The following MOB4 variants were observed in gnomAD, a reference collection of about 807,000 sequenced individuals.
MOB4 encodes the protein MOB-like protein phocein.
MOB4 carries 4 observed loss-of-function variants against 32.2 expected under a neutral mutation model. The ratio of observed to expected loss-of-function variants is 0.12; its 90% confidence interval spans 0.06 to 0.28. The LOEUF is 0.28. MOB4 is among the 10% of genes least tolerant of loss of function. The pLI, the probability that MOB4 is intolerant of heterozygous loss-of-function variation, is 1.00. For synonymous variants in MOB4, 88 were observed against 88.1 expected, an observed-to-expected ratio of 1.00 and a Z score of 0.01; for missense variants, 158 against 271.2, an observed-to-expected ratio of 0.58 and a Z score of 2.93.
chr2:197,546,345 G>A (rs2086992868), intron 5 of MOB4, among the ~76,000 whole-genome samples: 1 of 152,148 alleles, frequency 6.6e-6, no homozygotes, highest in South Asian at 2.1e-4. Flanking sequence ...ATAGGCGTGA[G>A]CCACTGCGCC....
At chr2:197,542,393 G>C (rs1452936324) in intron 5 of MOB4, among the ~76,000 whole-genome samples, 1 of 152,160 alleles carries the variant, frequency 6.6e-6, no homozygotes, top group Non-Finnish European at 1.5e-5. Context: ...AGAACAATTT[G>C]AAAGGACACT....
intron 1 of MOB4, chr2:197,516,747 C>T (rs1275396657): frequency 2.1e-6 from 1 of 471,532 alleles, no homozygotes; most frequent in Non-Finnish European, 4.4e-6. Context: ...TAAGTTGTGA[C>T]TTGTTAGATG....
intron 1 of MOB4, chr2:197,516,546 G>C: frequency 1.9e-6 from 1 of 539,732 alleles, no homozygotes; most frequent in Non-Finnish European, 3.5e-6. Flanking sequence ...GAGGTGGGAG[G>C]GGGTGTAAAC....
chr2:197,522,439 TC>T lies in MOB4; in HGVS notation c.61-1183del, dbSNP rs1363095369. 1.2e-4 allele frequency among the ~76,000 whole-genome samples: 18 copies of T among 147,682 alleles called. No individual in the cohort carries two copies. In the Admixed American group the frequency reaches 1.2e-3, roughly 10 times the overall value. ...TCCGCCTCCTGGGTTCAAGCAATTC[TC>T]CTGCCTCAGCCTCCTGAGTAGCTGG... On this transcript the variant is annotated intron_variant, in intron 1 of 7. Transcript: ENST00000323303.
At chr2:197,531,884 A>G (rs764226456) in intron 2 of MOB4, among the ~76,000 whole-genome samples, 1 of 151,916 alleles carries the variant, frequency 6.6e-6, no homozygotes, top group Non-Finnish European at 1.5e-5. Context: ...CTTTTATTGC[A>G]TAAAAGTGTG....
intron 2 of MOB4, among the ~76,000 whole-genome samples, chr2:197,530,519 C>T (rs540232438): frequency 6.6e-6 from 1 of 152,194 alleles, no homozygotes; most frequent in East Asian, 1.9e-4. Flanking sequence ...CCTGCCTCAG[C>T]CTGCTAAGTT....
chr2:197,538,130 T>TAG (rs2086834465), intron 3 of MOB4, among the ~76,000 whole-genome samples: 1 of 150,738 alleles, frequency 6.6e-6, no homozygotes, highest in Non-Finnish European at 1.5e-5. Context: ...ATTTTAGTGT[T>TAG]ACAAGGGTTT....
chr2:197,532,047 T>C (rs1200207250), intron 2 of MOB4, among the ~76,000 whole-genome samples: 2 of 151,950 alleles, frequency 1.3e-5, no homozygotes. Flanking sequence ...TAGCTGAGAT[T>C]ACAGGCGTGT....
rs368401341 is a variant in MOB4 at position 197,523,729 on chromosome 2, C to T, written c.123+43C>T. ...TTTTCACCCTGTGTCTTTTGGAGTA[C>T]GATGTGTAAGTGCCCATTGGGTGGC... On this transcript the variant is annotated intron_variant, in intron 2 of 7. Transcript: ENST00000323303. 205 of 1,569,248 alleles carry T rather than the reference C, an allele frequency of 1.3e-4. 1 individual carries two copies. The highest frequency in any genetic ancestry group is 4.4e-4 in the Middle Eastern group (2 of 4,528).
chr2:197,547,083 CTTTTTTTTAAAGAAAA>C (rs1047071813), intron 5 of MOB4, among the ~76,000 whole-genome samples: 7 of 146,548 alleles, frequency 4.8e-5, no homozygotes, highest in Non-Finnish European at 1.0e-4. Flanking sequence ...TTCTTTCTTT[CTTTTTTTTAAAGAAAA>C]TCGTAAGGAA....
At chr2:197,549,293 A>G (rs543148147) in intron 6 of MOB4, among the ~76,000 whole-genome samples, 2 of 152,144 alleles carry the variant, frequency 1.3e-5, no homozygotes, top group African/African-American at 4.8e-5. Flanking sequence ...ATTGATTTTT[A>G]AGATCTGAGA....
chr2:197,530,419 C>T (rs1467429418), intron 2 of MOB4, among the ~76,000 whole-genome samples: 4 of 151,970 alleles, frequency 2.6e-5, no homozygotes, highest in Non-Finnish European at 5.9e-5. Flanking sequence ...AGGAGCACAC[C>T]ACCCCTGGCT....
At chr2:197,518,381 T>C (rs2086453432) in intron 1 of MOB4, among the ~76,000 whole-genome samples, 1 of 152,010 alleles carries the variant, frequency 6.6e-6, no homozygotes, top group Admixed American at 6.6e-5. Flanking sequence ...GCGATTCTTC[T>C]GCCTCAGCCT....
chr2:197,530,634 T>G (rs1203068094), intron 2 of MOB4, among the ~76,000 whole-genome samples: 1 of 151,426 alleles, frequency 6.6e-6, no homozygotes, highest in Non-Finnish European at 1.5e-5. Context: ...TTTTTTTCTT[T>G]GTTTTTTTTG....
At chr2:197,533,950 A>G in intron 2 of MOB4, 3 of 579,152 alleles carry the variant, frequency 5.2e-6, no homozygotes, top group Non-Finnish European at 1.0e-5. Flanking sequence ...TTGGAAAAGA[A>G]CCAAGCTGGG....
chr2:197,522,798 C>T (rs1237981384), intron 1 of MOB4, among the ~76,000 whole-genome samples: 3 of 151,908 alleles, frequency 2.0e-5, no homozygotes, highest in South Asian at 4.1e-4. Context: ...AGGCGGATCA[C>T]GAGATCAAGA....
At chr2:197,515,960 A>T, upstream of MOB4, 3 of 946,770 alleles carry the variant, frequency 3.2e-6, no homozygotes, top group Admixed American at 2.8e-5. Context: ...CTCCCGGCGC[A>T]GGCTGCAGCT....
chr2:197,540,520 G>GT, intron 5 of MOB4, 83 bp downstream of exon 5: 1 of 1,294,324 alleles, frequency 7.7e-7, no homozygotes, highest in East Asian at 2.8e-5. Flanking sequence ...AGTTTTTAGG[G>GT]TTTTTAGTTC....
At chr2:197,550,209 T>C in intron 6 of MOB4, 66 bp from the exon 7 acceptor site, 2 of 1,417,046 alleles carry the variant, frequency 1.4e-6, no homozygotes, top group Non-Finnish European at 1.9e-6. Context: ...AAGCGAGAAA[T>C]TGGACTATAT....
Sources: allele counts gnomAD v4.1 joint callset (sites outside exome capture counted in the v4.1 genomes callset), GRCh38; gene constraint gnomAD v4.1.1; transcripts MANE v1.5; gene names NCBI Gene and HGNC (gene_info 2026-07-23, HGNC 2026-07-21).